RPS6KA2: variants seen among roughly 807,000 people sequenced by gnomAD.
RPS6KA2 encodes ribosomal protein S6 kinase A2.
In RPS6KA2, 42 loss-of-function variants were observed where a neutral mutation model predicts 91.8. The ratio of observed to expected loss-of-function variants is 0.46; its 90% CI spans 0.36 to 0.59. The LOEUF is 0.59. Among genes scored for constraint, RPS6KA2 ranks in the 20% least tolerant of loss-of-function variants. The probability of loss-of-function intolerance (pLI) is 0.00; values close to 1 mark genes in which losing one functional copy is unlikely to be tolerated. For synonymous variants in RPS6KA2, 414 were observed against 393.6 expected (o/e 1.05, Z -0.61); for missense variants, 798 against 978.5 (o/e 0.82, Z 2.46).
intron 2 of RPS6KA2, among the ~76,000 whole-genome samples, chr6:166,812,132 A>G (rs906515360): frequency 5.3e-5 from 8 of 152,094 alleles, no homozygotes; most frequent in Non-Finnish European, 1.2e-4. Context: ...AGACGGGAGG[A>G]TCAACCTGAG....
chr6:166,522,037 T>TC lies in RPS6KA2; in HGVS notation c.298+9194dup, dbSNP rs1477055967. ...ATGGCTATGAACCAGACAGCAGCCC[T>TC]CCCCAGGCACAAAATCTGACACAGC... On this transcript the variant is annotated intron_variant, in intron 3 of 20. Coordinates refer to ENST00000265678, the MANE Select transcript of RPS6KA2 (RefSeq NM_021135.6). 2.0e-5 allele frequency among the ~76,000 whole-genome samples: 3 copies of TC among 152,166 alleles called. No homozygotes were observed. The East Asian group carries it at 5.8e-4, about 29-fold the overall frequency.
At chr6:166,481,815 T>C (rs1781230952) in intron 10 of RPS6KA2, among the ~76,000 whole-genome samples, 2 of 150,910 alleles carry the variant, frequency 1.3e-5, no homozygotes, top group Admixed American at 1.3e-4. Context: ...GATGGCAGAC[T>C]GCAGGTATAC....
chr6:166,817,720 T>C (rs1334381430), intron 2 of RPS6KA2, among the ~76,000 whole-genome samples: 1 of 147,156 alleles, frequency 6.8e-6, no homozygotes, highest in East Asian at 2.1e-4. Flanking sequence ...TTTTTTCTTT[T>C]TTTCTTTTTT....
At chr6:166,659,268 C>T (rs1265097684) in intron 2 of RPS6KA2, among the ~76,000 whole-genome samples, 1 of 152,178 alleles carries the variant, frequency 6.6e-6, no homozygotes, top group Non-Finnish European at 1.5e-5. Context: ...TGTGTGGAAT[C>T]GCTCATTATG....
At chr6:166,507,777 A>G (rs1212840420) in intron 5 of RPS6KA2, among the ~76,000 whole-genome samples, 2 of 150,858 alleles carry the variant, frequency 1.3e-5, no homozygotes, top group Non-Finnish European at 3.0e-5. Context: ...CACAGCACAC[A>G]TCACACACAT....
chr6:166,673,494 T>C (rs1788537658), intron 2 of RPS6KA2, among the ~76,000 whole-genome samples: 1 of 152,134 alleles, frequency 6.6e-6, no homozygotes, highest in African/African-American at 2.4e-5. Context: ...TCGACAACTC[T>C]GCACAGCCCT....
intron 2 of RPS6KA2, among the ~76,000 whole-genome samples, chr6:166,744,731 G>A (rs920280352): frequency 6.6e-6 from 1 of 152,162 alleles, no homozygotes; most frequent in Admixed American, 6.5e-5. Flanking sequence ...TGCAGGCCTG[G>A]GCTTGGCTCT....
At chr6:166,814,337 C>A (rs1448998061) in intron 2 of RPS6KA2, among the ~76,000 whole-genome samples, 1 of 152,240 alleles carries the variant, frequency 6.6e-6, no homozygotes, top group East Asian at 1.9e-4. Context: ...TGATTCACAT[C>A]TTTCCTTTAA....
At chr6:166,485,397 G>T (rs1421143828) in intron 10 of RPS6KA2, among the ~76,000 whole-genome samples, 1 of 152,200 alleles carries the variant, frequency 6.6e-6, no homozygotes, top group Non-Finnish European at 1.5e-5. Flanking sequence ...CCTGAAGTGG[G>T]TTGAGATCTG....
At chr6:166,688,838 C>A (rs1241888722) in intron 2 of RPS6KA2, among the ~76,000 whole-genome samples, 4 of 152,230 alleles carry the variant, frequency 2.6e-5, no homozygotes, top group Non-Finnish European at 5.9e-5. Flanking sequence ...GTCTCAGTTT[C>A]CTCATCTGCA....
rs111930324 is a variant in RPS6KA2 at position 166,813,104 on chromosome 6, C to T, written c.123+45096G>A. Among the ~76,000 whole-genome samples, 603 of 152,226 alleles carry T rather than the reference C, an allele frequency of 4.0e-3. 4 individuals are homozygous for T. Among genetic ancestry groups the T allele is most frequent in the African/African-American group, 0.014 (579 of 41,522 alleles). ...GCACTGCTTCTCACCGTGACCCAGACCACCGCTCCCTGGAGAACGGATCCA... is the reference window on the plus strand; with the variant it reads ...GCACTGCTTCTCACCGTGACCCAGATCACCGCTCCCTGGAGAACGGATCCA... On this transcript the variant is annotated intron_variant, in intron 2 of 21. Transcript: ENST00000503859.
chr6:166,514,349 A>G (rs991550402), intron 3 of RPS6KA2, among the ~76,000 whole-genome samples: 4 of 152,186 alleles, frequency 2.6e-5, no homozygotes, highest in African/African-American at 9.7e-5. Context: ...CCAGAGGGTG[A>G]CCAGTCCCAC....
At chr6:166,480,918 A>G (rs1443390542) in intron 10 of RPS6KA2, among the ~76,000 whole-genome samples, 1 of 152,180 alleles carries the variant, frequency 6.6e-6, no homozygotes, top group Non-Finnish European at 1.5e-5. Context: ...GATTACAGGT[A>G]TGAGCCACAA....
At chr6:166,841,961 A>T (rs1464225846) in intron 2 of RPS6KA2, among the ~76,000 whole-genome samples, 1 of 152,150 alleles carries the variant, frequency 6.6e-6, no homozygotes, top group Non-Finnish European at 1.5e-5. Flanking sequence ...GTGCCCTTGG[A>T]CAAGCCTCAA....
chr6:166,842,923 G>A (rs1045653786), intron 2 of RPS6KA2, among the ~76,000 whole-genome samples: 4 of 152,068 alleles, frequency 2.6e-5, no homozygotes, highest in Admixed American at 1.3e-4. Flanking sequence ...GAACTTTATC[G>A]CTGCTGCAGG....
At chr6:166,468,856 TAAA>T (rs1554277712) in intron 11 of RPS6KA2, among the ~76,000 whole-genome samples, 4 of 112,176 alleles carry the variant, frequency 3.6e-5, no homozygotes, top group Non-Finnish European at 1.8e-5. Flanking sequence ...AGAGCGAGAC[TAAA>T]AAAAAAAAAA....
At chr6:166,772,953 T>C (rs1258959921) in intron 2 of RPS6KA2, among the ~76,000 whole-genome samples, 1 of 152,144 alleles carries the variant, frequency 6.6e-6, no homozygotes, top group Non-Finnish European at 1.5e-5. Context: ...AAATGAGGAT[T>C]CTCCAGCCAC....
chr6:166,456,017 C>CG, intron 12 of RPS6KA2, among the ~76,000 whole-genome samples: 1 of 152,194 alleles, frequency 6.6e-6, no homozygotes, highest in East Asian at 1.9e-4. Context: ...GGAGTGTGTG[C>CG]GGGGGTGGGG....
At chr6:166,598,716 T>C (rs1389036232) in intron 1 of RPS6KA2, among the ~76,000 whole-genome samples, 2 of 152,226 alleles carry the variant, frequency 1.3e-5, no homozygotes, top group Non-Finnish European at 2.9e-5. Flanking sequence ...TCTGAGATAA[T>C]GGAGTCAGGA....
Sources: gnomAD v4.1 joint callset for allele counts (sites outside exome capture counted in the v4.1 genomes callset) on GRCh38, gnomAD v4.1.1 for gene constraint, MANE v1.5 for transcripts, NCBI Gene and HGNC (gene_info 2026-07-23, HGNC 2026-07-21) for gene names.